CUX2: variants seen among roughly 807,000 people sequenced by gnomAD.
CUX2 encodes homeobox protein cut-like 2.
In CUX2, 40 loss-of-function variants were observed where a neutral mutation model predicts 144.8. That is an observed-to-expected ratio of 0.28 (90% CI 0.21 to 0.36). The LOEUF is 0.36. Among genes scored for constraint, CUX2 ranks in the 10% least tolerant of loss-of-function variants. The probability of loss-of-function intolerance (pLI) is 1.00; values close to 1 mark genes in which losing one functional copy is unlikely to be tolerated. For missense variants in CUX2, 1,615 were observed against 1,994.0 expected, an observed-to-expected ratio of 0.81 and a Z score of 3.62; for synonymous variants, 827 against 875.6, an observed-to-expected ratio of 0.94 and a Z score of 0.98.
At chr12:111,062,342 A>G (rs1870817615) in intron 1 of CUX2, among the ~76,000 whole-genome samples, 1 of 152,184 alleles carries the variant, frequency 6.6e-6, no homozygotes, top group Non-Finnish European at 1.5e-5. Flanking sequence ...TTTTATTGTG[A>G]TTAAATATTT....
chr12:111,313,302 C>T (rs1490922123), intron 16 of CUX2, among the ~76,000 whole-genome samples: 1 of 150,916 alleles, frequency 6.6e-6, no homozygotes, highest in Non-Finnish European at 1.5e-5. Flanking sequence ...AACTCCTGAC[C>T]TCGTGATCCA....
chr12:111,230,738 A>T (rs932578516), intron 3 of CUX2, among the ~76,000 whole-genome samples: 11 of 152,218 alleles, frequency 7.2e-5, no homozygotes, highest in Admixed American at 7.2e-4. Context: ...AGACCTGTGG[A>T]AATAACCAGG....
intron 4 of CUX2, among the ~76,000 whole-genome samples, chr12:111,284,605 C>T (rs1885280903): frequency 1.3e-5 from 2 of 152,206 alleles, no homozygotes; most frequent in South Asian, 2.1e-4. Context: ...CACCATTTTA[C>T]AGAAGGGAAA....
Position 111,190,516 on chromosome 12 carries a change from T to A in CUX2, c.64-23684T>A, listed in dbSNP as rs1368012185. Among the ~76,000 whole-genome samples, 1 of 152,184 alleles carries A rather than the reference T, an allele frequency of 6.6e-6. No homozygotes were observed. The highest frequency in any genetic ancestry group is 2.4e-5 in the African/African-American group (1 of 41,442). The stretch of plus-strand genomic sequence containing the variant: ...ACTATCTAAGCTGCTCAAGCCAGGG[T>A]GTCCACTTAACCATGGTCTTCCTTT... On this transcript the variant is annotated intron_variant, in intron 1 of 21. Coordinates refer to ENST00000261726, the MANE Select transcript of CUX2 (RefSeq NM_015267.4). The surrounding 1 kb of genome is among the most constrained non-coding windows in gnomAD (Gnocchi z 4.0).
At chr12:111,321,455 C>T (rs1010705082) in intron 17 of CUX2, among the ~76,000 whole-genome samples, 1 of 150,970 alleles carries the variant, frequency 6.6e-6, no homozygotes, top group Non-Finnish European at 1.5e-5. Context: ...GGTGACAGAA[C>T]GATACTCCAT....
intron 1 of CUX2, among the ~76,000 whole-genome samples, chr12:111,050,336 C>T (rs1268926012): frequency 6.6e-6 from 1 of 152,224 alleles, no homozygotes; most frequent in Non-Finnish European, 1.5e-5. Flanking sequence ...GTGACCTCAT[C>T]TGTATCCACA....
At chr12:111,234,380 C>T (rs1032383487) in intron 3 of CUX2, among the ~76,000 whole-genome samples, 7 of 152,190 alleles carry the variant, frequency 4.6e-5, no homozygotes, top group Non-Finnish European at 7.3e-5. Flanking sequence ...GCATTCTTCC[C>T]TGTGCTGAGC....
intron 18 of CUX2, among the ~76,000 whole-genome samples, chr12:111,332,660 G>A (rs890881185): frequency 1.3e-5 from 2 of 152,158 alleles, no homozygotes; most frequent in African/African-American, 4.8e-5. Flanking sequence ...AATTGAAACA[G>A]TAGAACAGCA....
intron 3 of CUX2, among the ~76,000 whole-genome samples, chr12:111,262,626 G>A (rs1884183604): frequency 6.6e-6 from 1 of 151,866 alleles, no homozygotes; most frequent in Non-Finnish European, 1.5e-5. Flanking sequence ...CAATCCTCCC[G>A]CCTCAGCCTC....
intron 1 of CUX2, among the ~76,000 whole-genome samples, chr12:111,136,762 G>T (rs1875913194): frequency 6.6e-6 from 1 of 152,174 alleles, no homozygotes; most frequent in African/African-American, 2.4e-5. Flanking sequence ...TGGGAGCCTG[G>T]CTCCAAGACC....
intron 9 of CUX2, among the ~76,000 whole-genome samples, chr12:111,300,079 A>G (rs1344221963): frequency 6.6e-6 from 1 of 152,090 alleles, no homozygotes; most frequent in Admixed American, 6.6e-5. Flanking sequence ...TGTAGAGATG[A>G]GGTTTCACCA....
intron 21 of CUX2, among the ~76,000 whole-genome samples, chr12:111,345,998 A>C (rs11065875): frequency 1.3e-5 from 2 of 150,338 alleles, no homozygotes; most frequent in African/African-American, 2.4e-5. Context: ...CCAGCTACTC[A>C]GGAGGCTGAG....
intron 18 of CUX2, among the ~76,000 whole-genome samples, chr12:111,326,896 C>G (rs1011074349): frequency 1.3e-5 from 2 of 152,280 alleles, no homozygotes; most frequent in East Asian, 3.9e-4. Flanking sequence ...GAGTGAGACT[C>G]TGTCTCAAAC....
chr12:111,140,400 C>A (rs1220099515), intron 1 of CUX2, among the ~76,000 whole-genome samples: 1 of 152,148 alleles, frequency 6.6e-6, no homozygotes, highest in Non-Finnish European at 1.5e-5. Flanking sequence ...GAGTTTTATT[C>A]TTTTTGTGAG....
chr12:111,310,046 G>A lies in CUX2; in HGVS notation c.1264G>A (p.Asp422Asn), dbSNP rs778201280. ...KPSLLASPEE[D>N]PSEDDSIKDS... ...TGTCTGTCTGGGTGTTCTAGAGGAA[G>A]ACCCATCAGAGGACGATTCCATCAA... The change falls in exon 15 of 22, where the codon GAC becomes AAC. Residue 422 changes from aspartate (D) to asparagine (N), a missense_variant. Transcript: ENST00000261726. The surrounding 1 kb of genome is among the most constrained non-coding windows in gnomAD (Gnocchi z 7.9). The A allele has an allele frequency of 7.5e-6, 10 of 1,332,864 alleles. No homozygotes were observed. Among genetic ancestry groups the A allele is most frequent in the Non-Finnish European group, 9.6e-6 (10 of 1,042,758 alleles). 82.6% of individuals were successfully genotyped at this position (1,332,864 alleles called of 1,614,324 possible).
intron 1 of CUX2, among the ~76,000 whole-genome samples, chr12:111,042,221 T>C (rs1417752236): frequency 1.3e-5 from 2 of 152,114 alleles, no homozygotes; most frequent in Admixed American, 6.5e-5. Context: ...CGGGGAACCA[T>C]TATGGTCGAT....
intron 1 of CUX2, among the ~76,000 whole-genome samples, chr12:111,053,822 A>C (rs1260255219): frequency 6.6e-6 from 1 of 152,204 alleles, no homozygotes; most frequent in East Asian, 1.9e-4. Context: ...GGTGATTGGT[A>C]AACATTGAAT....
chr12:111,301,745 C>G (rs956138315), intron 9 of CUX2, among the ~76,000 whole-genome samples: 4 of 152,210 alleles, frequency 2.6e-5, no homozygotes, highest in African/African-American at 7.2e-5. Context: ...CTCAAGCAAT[C>G]CTCTCACAGT....
intron 18 of CUX2, among the ~76,000 whole-genome samples, chr12:111,331,253 G>A (rs1187996023): frequency 6.6e-6 from 1 of 152,160 alleles, no homozygotes; most frequent in East Asian, 1.9e-4. Context: ...GACAGAGAAG[G>A]AAGGAACCCA....
Sources: allele counts gnomAD v4.1 joint callset (sites outside exome capture counted in the v4.1 genomes callset), GRCh38; gene constraint gnomAD v4.1.1; non-coding constraint Gnocchi (gnomAD v3.1); transcripts MANE v1.5; gene names NCBI Gene and HGNC (gene_info 2026-07-23, HGNC 2026-07-21).